Variants in LRMDA observed in about 807,000 individuals in gnomAD.
LRMDA encodes leucine rich melanocyte differentiation associated.
A neutral mutation model predicts 29.8 loss-of-function variants in LRMDA; 18 were observed. That is an observed-to-expected ratio of 0.60 (90% CI 0.42 to 0.90). LRMDA has a LOEUF of 0.90. Ranked by LOEUF, LRMDA falls within the 40% of genes least tolerant of loss-of-function variation. The probability of loss-of-function intolerance (pLI) is 0.00; values close to 1 mark genes in which losing one functional copy is unlikely to be tolerated. For synonymous variants in LRMDA, 125 were observed against 109.4 expected (o/e 1.14, Z -0.89); for missense variants, 273 against 273.9 (o/e 1.00, Z 0.02).
chr10:76,556,778 G>T (rs1412122167), intron 6 of LRMDA, among the ~76,000 whole-genome samples: 1 of 152,098 alleles, frequency 6.6e-6, no homozygotes, highest in Non-Finnish European at 1.5e-5. Flanking sequence ...CATGATAAAG[G>T]GTATCAAAAT....
intron 2 of LRMDA, among the ~76,000 whole-genome samples, chr10:75,839,333 A>G (rs1354878356): frequency 6.6e-6 from 1 of 152,208 alleles, no homozygotes; most frequent in African/African-American, 2.4e-5. Flanking sequence ...CCAGTCCATC[A>G]TTAATATAGT....
intron 2 of LRMDA, among the ~76,000 whole-genome samples, chr10:75,532,405 T>C (rs972407913): frequency 6.6e-6 from 1 of 152,096 alleles, no homozygotes; most frequent in African/African-American, 2.4e-5. Flanking sequence ...AGTCCCCAGA[T>C]GTAATTTTTG....
chr10:75,446,484 T>G (rs1376300286), intron 2 of LRMDA, among the ~76,000 whole-genome samples: 2 of 152,228 alleles, frequency 1.3e-5, no homozygotes, highest in Non-Finnish European at 2.9e-5. Context: ...CATAATGTGT[T>G]TGCATATCTC....
At chr10:76,410,374 C>A (rs963374530) in intron 6 of LRMDA, among the ~76,000 whole-genome samples, 1 of 128,608 alleles carries the variant, frequency 7.8e-6, no homozygotes, top group East Asian at 2.2e-4. Context: ...AGTGGTGCAA[C>A]CATGGCTCGC....
Position 76,547,470 on chromosome 10 carries a change from T to C in LRMDA, c.602-9739T>C, listed in dbSNP as rs138991489. ...GACCAAAAGCACAGTGTGGCTATAATGGCTCTCCCTGAATAGTTGCCGCCA... is the reference window on the plus strand; with the variant it reads ...GACCAAAAGCACAGTGTGGCTATAACGGCTCTCCCTGAATAGTTGCCGCCA... On this transcript the variant is annotated intron_variant, in intron 6 of 6. Coordinates refer to ENST00000611255, the MANE Select transcript of LRMDA (RefSeq NM_001305581.2). Among the ~76,000 whole-genome samples, 181 of 152,296 alleles carry C rather than the reference T, an allele frequency of 1.2e-3. 2 individuals carry two copies. Among genetic ancestry groups the C allele is most frequent in the Non-Finnish European group, 1.8e-3 (121 of 68,020 alleles).
At chr10:76,238,357 G>A (rs866949566) in intron 5 of LRMDA, among the ~76,000 whole-genome samples, 36 of 151,828 alleles carry the variant, frequency 2.4e-4, no homozygotes, top group African/African-American at 7.3e-4. Context: ...TAGCAAGATG[G>A]CCAAGTTCAT....
intron 2 of LRMDA, among the ~76,000 whole-genome samples, chr10:75,754,354 A>C (rs868526813): frequency 6.6e-6 from 1 of 152,236 alleles, no homozygotes; most frequent in Admixed American, 6.5e-5. Context: ...TGAAGAGTTC[A>C]TGTTCTCAAA....
intron 2 of LRMDA, among the ~76,000 whole-genome samples, chr10:75,589,898 T>C (rs1199304066): frequency 5.3e-5 from 8 of 152,142 alleles, no homozygotes; most frequent in Non-Finnish European, 1.2e-4. Flanking sequence ...TTTTATGTGA[T>C]TGAATGGTAA....
At chr10:75,678,178 A>G (rs924602367) in intron 2 of LRMDA, among the ~76,000 whole-genome samples, 2 of 152,186 alleles carry the variant, frequency 1.3e-5, no homozygotes, top group African/African-American at 4.8e-5. Flanking sequence ...ACATATACAT[A>G]TACACACACC....
At chr10:76,135,855 CCCT>C (rs2132143040) in intron 5 of LRMDA, among the ~76,000 whole-genome samples, 1 of 152,110 alleles carries the variant, frequency 6.6e-6, no homozygotes, top group South Asian at 2.1e-4. Flanking sequence ...TCTGCAAAGG[CCCT>C]ATTTCCAAAT....
intron 5 of LRMDA, among the ~76,000 whole-genome samples, chr10:76,300,490 T>C (rs1177168836): frequency 6.6e-6 from 1 of 152,208 alleles, no homozygotes; most frequent in Non-Finnish European, 1.5e-5. Context: ...TATTTCCGTC[T>C]CTGTGTTCTC....
chr10:75,446,886 C>T (rs1328863057), intron 2 of LRMDA, among the ~76,000 whole-genome samples: 1 of 152,190 alleles, frequency 6.6e-6, no homozygotes, highest in Non-Finnish European at 1.5e-5. Flanking sequence ...GTTCAAAGGA[C>T]ATGTTCTGTT....
intron 5 of LRMDA, among the ~76,000 whole-genome samples, chr10:76,251,970 G>A (rs1005877572): frequency 1.8e-4 from 27 of 152,276 alleles, no homozygotes; most frequent in African/African-American, 6.3e-4. Flanking sequence ...GCTGTGAATC[G>A]GGTCTGTTTT....
chr10:75,849,257 T>C (rs553178023), intron 2 of LRMDA, among the ~76,000 whole-genome samples: 1 of 152,232 alleles, frequency 6.6e-6, no homozygotes, highest in South Asian at 2.1e-4. Context: ...TCTTCTTATG[T>C]AGATACTTGA....
intron 6 of LRMDA, among the ~76,000 whole-genome samples, chr10:76,521,676 T>G (rs1222271634): frequency 6.6e-6 from 1 of 152,216 alleles, no homozygotes; most frequent in Non-Finnish European, 1.5e-5. Context: ...TGGCTTTCAT[T>G]CACCAGTTTT....
chr10:75,750,490 TGGGGGG>T (rs2132218413), intron 2 of LRMDA, among the ~76,000 whole-genome samples: 1 of 30,576 alleles, frequency 3.3e-5, no homozygotes, highest in Non-Finnish European at 6.6e-5. Flanking sequence ...GGGCGGGGGG[TGGGGGG>T]CAGAGGGGGT....
intron 2 of LRMDA, among the ~76,000 whole-genome samples, chr10:75,458,723 C>G (rs1241764156): frequency 1.3e-5 from 2 of 152,154 alleles, no homozygotes. Context: ...CCAATTTGCT[C>G]TTCCACAGAC....
intron 2 of LRMDA, among the ~76,000 whole-genome samples, chr10:75,967,393 A>G (rs1333196372): frequency 6.6e-6 from 1 of 152,170 alleles, no homozygotes; most frequent in African/African-American, 2.4e-5. Context: ...TGCATTGATT[A>G]TTATAACATT....
At chr10:75,795,699 C>T (rs1843640959) in intron 2 of LRMDA, among the ~76,000 whole-genome samples, 1 of 152,150 alleles carries the variant, frequency 6.6e-6, no homozygotes, top group African/African-American at 2.4e-5. Context: ...TCTTTTGAAG[C>T]ATCTTTCACC....
Sources: allele counts gnomAD v4.1 joint callset (sites outside exome capture counted in the v4.1 genomes callset), GRCh38; gene constraint gnomAD v4.1.1; transcripts MANE v1.5; gene names NCBI Gene and HGNC (gene_info 2026-07-23, HGNC 2026-07-21).